Variants in EYS observed in about 807,000 individuals in gnomAD.
EYS encodes protein eyes shut homolog.
A neutral mutation model predicts 282.1 loss-of-function variants in EYS; 250 were observed. The observed-to-expected ratio is 0.89, with a 90% confidence interval of 0.80 to 0.98. The LOEUF (loss-of-function observed/expected upper bound fraction) is 0.98. Among genes scored for constraint, EYS ranks in the 50% least tolerant of loss-of-function variants. EYS has a pLI of 0.00. For missense variants in EYS, 4,016 were observed against 3,709.0 expected, an observed-to-expected ratio of 1.08 and a Z score of -2.15; for synonymous variants, 1,355 against 1,282.9, an observed-to-expected ratio of 1.06 and a Z score of -1.20.
intron 33 of EYS, among the ~76,000 whole-genome samples, chr6:64,063,991 T>C (rs569553242): frequency 5.3e-5 from 8 of 152,218 alleles, no homozygotes; most frequent in Non-Finnish European, 8.8e-5. Flanking sequence ...CAAATGGTTT[T>C]TTCATGTACT....
intron 14 of EYS, among the ~76,000 whole-genome samples, chr6:64,980,576 T>C (rs1372978618): frequency 6.6e-6 from 1 of 151,458 alleles, no homozygotes; most frequent in Non-Finnish European, 1.5e-5. Flanking sequence ...TTAATATAGC[T>C]GTATTAATAC....
intron 12 of EYS, among the ~76,000 whole-genome samples, chr6:65,247,645 T>C (rs1364153224): frequency 6.6e-6 from 1 of 152,096 alleles, no homozygotes; most frequent in Non-Finnish European, 1.5e-5. Flanking sequence ...CTATGCATTC[T>C]AACCTAATTA....
chr6:64,912,821 G>T (rs893574279), intron 15 of EYS, 78 bp from the exon 16 acceptor site: 10 of 845,232 alleles, frequency 1.2e-5, no homozygotes, highest in Non-Finnish European at 1.5e-5. Flanking sequence ...TTACTCCCTT[G>T]AACTAATAGT....
At chr6:64,345,494 C>A (rs899708241) in intron 29 of EYS, among the ~76,000 whole-genome samples, 11 of 152,020 alleles carry the variant, frequency 7.2e-5, no homozygotes, top group Non-Finnish European at 1.2e-4. Flanking sequence ...AACTGGCTAG[C>A]CATATGTAGA....
chr6:64,309,527 C>A (rs758006391), intron 29 of EYS, among the ~76,000 whole-genome samples: 1 of 151,992 alleles, frequency 6.6e-6, no homozygotes, highest in South Asian at 2.1e-4. Flanking sequence ...CAGTACTGTT[C>A]GGAATAGTTA....
intron 31 of EYS, among the ~76,000 whole-genome samples, chr6:64,168,536 C>T (rs1764374521): frequency 6.6e-6 from 1 of 152,062 alleles, no homozygotes; most frequent in African/African-American, 2.4e-5. Context: ...TTCAAAGGTC[C>T]ACCAACTTGT....
intron 35 of EYS, among the ~76,000 whole-genome samples, chr6:63,961,580 C>G (rs1380320220): frequency 1.3e-5 from 2 of 152,062 alleles, no homozygotes; most frequent in Non-Finnish European, 2.9e-5. Flanking sequence ...AGCTTTATTG[C>G]TCTTTATTTA....
At chr6:64,902,067 A>T in intron 18 of EYS, 46 bp downstream of exon 18, 1 of 1,252,572 alleles carries the variant, frequency 8.0e-7, no homozygotes, top group Non-Finnish European at 1.1e-6. Context: ...TTTCTTGTTG[A>T]ATTACACACA....
Position 65,224,295 on chromosome 6 carries a change from C to T in EYS, c.2023+71568G>A, listed in dbSNP as rs1304276672. The stretch of plus-strand genomic sequence containing the variant: ...TCATAAATATGTGAAAATTAAATGA[C>T]ACACTCTTAACCAATCAGTCAAAGC... On this transcript the variant is annotated intron_variant, in intron 12 of 42. Coordinates refer to ENST00000503581, the MANE Select transcript of EYS (RefSeq NM_001142800.2). Among the ~76,000 whole-genome samples, 5 of 152,020 alleles carry T rather than the reference C, an allele frequency of 3.3e-5. No homozygotes were observed. The South Asian group carries it at 6.2e-4, about 19-fold the overall frequency.
chr6:65,495,308 G>A lies in EYS; in HGVS notation c.103C>T (p.Gln35Ter), dbSNP rs749410700. 6.2e-7 allele frequency: 1 copy of A among 1,614,044 alleles called. No homozygotes were observed. The highest frequency in any genetic ancestry group is 8.5e-7 in the Non-Finnish European group (1 of 1,180,014). The change falls in exon 4 of 43, where the codon CAA becomes TAA. Residue 35 changes from glutamine (Q) to a stop codon, truncating the protein, a stop_gained. Transcript: ENST00000503581. LOFTEE classifies it high-confidence loss of function. ...CAATTTACCACATATGATGAGGGTT[G>A]TGGATGCCATTCTTCCACCAATTGC... ...RRQLVEEWHP[Q>*]PSSYVVNWTL...
intron 14 of EYS, among the ~76,000 whole-genome samples, chr6:64,977,374 G>A (rs759251009): frequency 3.3e-5 from 5 of 151,876 alleles, no homozygotes; most frequent in Non-Finnish European, 7.4e-5. Flanking sequence ...ATACAAGATG[G>A]CAAACTTAAA....
At chr6:64,838,520 TA>T (rs1765457198) in intron 19 of EYS, among the ~76,000 whole-genome samples, 1 of 151,826 alleles carries the variant, frequency 6.6e-6, no homozygotes, top group Non-Finnish European at 1.5e-5. Context: ...TTTCTGTCAT[TA>T]AACATTTTCA....
chr6:65,288,145 CTCTT>C (rs1218984405), intron 12 of EYS, among the ~76,000 whole-genome samples: 2 of 150,914 alleles, frequency 1.3e-5, no homozygotes, highest in Non-Finnish European at 3.0e-5. Flanking sequence ...ATCTTTAGCC[CTCTT>C]TCTATTTCCT....
intron 5 of EYS, among the ~76,000 whole-genome samples, chr6:65,437,231 T>G (rs1318048544): frequency 1.3e-5 from 2 of 152,150 alleles, no homozygotes; most frequent in Non-Finnish European, 2.9e-5. Context: ...AGCAATATCC[T>G]AACAACTGCA....
chr6:63,734,416 C>T (rs1768858728), intron 41 of EYS, among the ~76,000 whole-genome samples: 1 of 152,104 alleles, frequency 6.6e-6, no homozygotes, highest in South Asian at 2.1e-4. Flanking sequence ...AGAGGAGTGT[C>T]ATCATCTGAT....
intron 12 of EYS, among the ~76,000 whole-genome samples, chr6:65,099,838 C>T (rs919907587): frequency 6.6e-6 from 1 of 150,634 alleles, no homozygotes; most frequent in South Asian, 2.1e-4. Flanking sequence ...TTCTCAATAA[C>T]TTATTTTATC....
At chr6:64,777,637 G>A (rs1372686415) in intron 22 of EYS, among the ~76,000 whole-genome samples, 1 of 152,016 alleles carries the variant, frequency 6.6e-6, no homozygotes, top group Non-Finnish European at 1.5e-5. Flanking sequence ...TTGCCACAAA[G>A]GTTGCAAGTA....
At chr6:64,726,682 C>T (rs1771769889) in intron 22 of EYS, among the ~76,000 whole-genome samples, 1 of 152,054 alleles carries the variant, frequency 6.6e-6, no homozygotes, top group African/African-American at 2.4e-5. Context: ...TTCTATAACC[C>T]TATTCAATGG....
chr6:64,523,578 G>T (rs1424888512), intron 26 of EYS, among the ~76,000 whole-genome samples: 2 of 151,728 alleles, frequency 1.3e-5, no homozygotes, highest in African/African-American at 4.8e-5. Flanking sequence ...AAGTTTTCTG[G>T]TTCCAAGGTT....
Sources: gnomAD v4.1 joint callset for allele counts (sites outside exome capture counted in the v4.1 genomes callset) on GRCh38, gnomAD v4.1.1 for gene constraint, MANE v1.5 for transcripts, NCBI Gene and HGNC (gene_info 2026-07-23, HGNC 2026-07-21) for gene names.